Variants in GADL1 observed in about 807,000 individuals in gnomAD.
GADL1 encodes acidic amino acid decarboxylase GADL1.
GADL1 carries 71 observed loss-of-function variants against 69.5 expected under a neutral mutation model. The observed-to-expected ratio is 1.02, with a 90% confidence interval of 0.84 to 1.25. The LOEUF is 1.25. Ranked by LOEUF, GADL1 falls within the 50% of genes most tolerant of loss-of-function variation. GADL1 has a pLI of 0.00. For missense variants in GADL1, 737 were observed against 631.8 expected, an observed-to-expected ratio of 1.17 and a Z score of -1.79; for synonymous variants, 254 against 214.4, an observed-to-expected ratio of 1.18 and a Z score of -1.62.
intron 14 of GADL1, 67 bp from the exon 15 acceptor site, chr3:30,728,482 A>C (rs879108933): frequency 4.0e-4 from 529 of 1,335,550 alleles, no homozygotes; most frequent in East Asian, 1.4e-4. Flanking sequence ...TAGCATTTTC[A>C]CCAGCCATTG....
At chr3:30,801,508 C>T (rs988846673) in intron 11 of GADL1, among the ~76,000 whole-genome samples, 1 of 152,022 alleles carries the variant, frequency 6.6e-6, no homozygotes, top group Non-Finnish European at 1.5e-5. Flanking sequence ...TTAAGACCTT[C>T]TCTCCTTCAT....
In GADL1 at chr3:30,834,253, G is replaced by T. The variant is rs751365275; in HGVS notation, c.932C>A (p.Ser311Ter). ...DASWGGSALMSRKHRKLLHGI... is the reference protein window; with the variant it reads ...DASWGGSALM ...ATGCAGAAGCTTGCGGTGCTTCCTC[G>T]ACATCAAAGCTGAGCCACCCCAAGA... The change falls in exon 10 of 15, where the codon TCG becomes TAG. Residue 311 changes from serine (S) to a stop codon, truncating the protein, a stop_gained. Transcript: ENST00000282538. LOFTEE classifies it high-confidence loss of function. 1.2e-6 allele frequency: 2 copies of T among 1,612,708 alleles called. No homozygotes were observed. The highest frequency in any genetic ancestry group is 2.2e-5 in the South Asian group (2 of 91,040).
At chr3:30,859,160 T>A (rs1324662001) in intron 2 of GADL1, among the ~76,000 whole-genome samples, 1 of 150,954 alleles carries the variant, frequency 6.6e-6, no homozygotes, top group Non-Finnish European at 1.5e-5. Context: ...ATATAGATAA[T>A]CTCTAAAAAT....
At chr3:30,856,988 A>C in intron 3 of GADL1, 27 bp downstream of exon 3, 1 of 1,536,650 alleles carries the variant, frequency 6.5e-7, no homozygotes, top group Non-Finnish European at 8.8e-7. Flanking sequence ...AGAGGTACAG[A>C]TCAAGGAAGT....
At chr3:30,747,119 A>G (rs1326637238) in intron 14 of GADL1, among the ~76,000 whole-genome samples, 1 of 152,130 alleles carries the variant, frequency 6.6e-6, no homozygotes, top group East Asian at 1.9e-4. Context: ...TTTTACTATC[A>G]CAGGCCTGGG....
At chr3:30,856,687 T>A (rs1191027957) in intron 3 of GADL1, among the ~76,000 whole-genome samples, 1 of 152,110 alleles carries the variant, frequency 6.6e-6, no homozygotes, top group African/African-American at 2.4e-5. Context: ...ATCAAAATAC[T>A]ATTTGCCAGT....
chr3:30,748,370 G>A (rs1286833209), intron 14 of GADL1, among the ~76,000 whole-genome samples: 1 of 152,080 alleles, frequency 6.6e-6, no homozygotes, highest in Non-Finnish European at 1.5e-5. Context: ...CTCCAGCACT[G>A]ACCAGATTCA....
intron 2 of GADL1, 114 bp downstream of exon 2, chr3:30,861,475 CAAAG>C: frequency 1.4e-6 from 1 of 693,374 alleles, no homozygotes; most frequent in Non-Finnish European, 2.4e-6. Context: ...CCTTTTGAGA[CAAAG>C]GCATAGAAGA....
intron 11 of GADL1, among the ~76,000 whole-genome samples, chr3:30,816,497 T>C (rs1437836536): frequency 7.1e-6 from 1 of 140,568 alleles, no homozygotes. Context: ...CTGACTTTGC[T>C]CTCCCCAAGA....
chr3:30,811,905 A>C lies in GADL1; in HGVS notation c.1051-10817T>G, dbSNP rs974579969. The stretch of plus-strand genomic sequence containing the variant: ...AGTGTTATTGTTTAAAATGTTTCCC[A>C]GTGATGCTAAGGTGCAGCCAGGATT... On this transcript the variant is annotated intron_variant, in intron 11 of 14. Transcript: ENST00000282538. 4.2e-4 allele frequency among the ~76,000 whole-genome samples: 64 copies of C among 152,194 alleles called. 1 individual carries two copies. Among genetic ancestry groups the C allele is most frequent in the African/African-American group, 1.5e-3 (63 of 41,452 alleles).
intron 1 of GADL1, among the ~76,000 whole-genome samples, chr3:30,881,752 C>G (rs113663979): frequency 0.023 from 3,536 of 151,956 alleles, 59 homozygotes; most frequent in Middle Eastern, 0.051. Flanking sequence ...TGCTTGTCTC[C>G]TCCAAAAACT....
chr3:30,823,593 T>G (rs181815629), intron 11 of GADL1, among the ~76,000 whole-genome samples: 10 of 152,030 alleles, frequency 6.6e-5, no homozygotes, highest in Admixed American at 5.2e-4. Flanking sequence ...GGGTAAATTT[T>G]CAAATAAAAT....
intron 14 of GADL1, among the ~76,000 whole-genome samples, chr3:30,749,779 C>T (rs972165294): frequency 3.3e-5 from 5 of 152,176 alleles, no homozygotes; most frequent in African/African-American, 9.7e-5. Context: ...ACAGCTGACA[C>T]GAGCTCCCGA....
Position 30,727,274 on chromosome 3 carries a change from A to T in GADL1, c.*968T>A, listed in dbSNP as rs1449690009. 2.0e-5 allele frequency: 3 copies of T among 151,012 alleles called. No homozygotes were observed. The highest frequency in any genetic ancestry group is 4.4e-5 in the Non-Finnish European group (3 of 67,788). 9.4% of individuals were successfully genotyped at this position (151,012 alleles called of 1,614,324 possible). ...AAGAAAACCTTCCAGTTGTCTACCA[A>T]GAAAAAACTAATATGGATATTACAT... On this transcript the variant is annotated 3_prime_UTR_variant, in exon 15 of 15. Coordinates refer to ENST00000282538, the MANE Select transcript of GADL1 (RefSeq NM_207359.3).
At chr3:30,795,991 T>G (rs1697024714) in intron 12 of GADL1, among the ~76,000 whole-genome samples, 1 of 152,214 alleles carries the variant, frequency 6.6e-6, no homozygotes, top group Non-Finnish European at 1.5e-5. Flanking sequence ...TTACAAACAA[T>G]AAGTGTTTGT....
chr3:30,881,629 A>G (rs1302179012), intron 1 of GADL1, among the ~76,000 whole-genome samples: 1 of 151,908 alleles, frequency 6.6e-6, no homozygotes, highest in East Asian at 1.9e-4. Flanking sequence ...GGGACAAACA[A>G]CTGGACACAT....
chr3:30,838,536 C>CTAG, intron 9 of GADL1, among the ~76,000 whole-genome samples: 1 of 151,938 alleles, frequency 6.6e-6, no homozygotes, highest in Non-Finnish European at 1.5e-5. Context: ...TTTGCATTTT[C>CTAG]CAGCTGTTTG....
chr3:30,870,113 A>C (rs1698460048), intron 1 of GADL1, among the ~76,000 whole-genome samples: 1 of 151,868 alleles, frequency 6.6e-6, no homozygotes, highest in South Asian at 2.1e-4. Context: ...AGCAATGAAC[A>C]AGAAAAATTT....
intron 11 of GADL1, among the ~76,000 whole-genome samples, chr3:30,809,823 C>CA (rs1376154203): frequency 3.0e-4 from 45 of 152,070 alleles, no homozygotes; most frequent in African/African-American, 1.0e-3. Context: ...CCTTTTCCTC[C>CA]AAAAAATCAT....
Sources: gnomAD v4.1 joint callset for allele counts (sites outside exome capture counted in the v4.1 genomes callset) on GRCh38, gnomAD v4.1.1 for gene constraint, MANE v1.5 for transcripts, NCBI Gene and HGNC (gene_info 2026-07-23, HGNC 2026-07-21) for gene names.